NHSL2: variants seen among roughly 807,000 people sequenced by gnomAD.
NHSL2 encodes NHS like 2.
Under a neutral mutation model 53.4 loss-of-function variants are expected in NHSL2, and 27 were observed. That is an observed-to-expected ratio of 0.51 (90% confidence interval 0.37 to 0.70). The LOEUF (loss-of-function observed/expected upper bound fraction) is 0.70. Ranked by LOEUF, NHSL2 falls within the 30% of genes least tolerant of loss-of-function variation. The probability of loss-of-function intolerance (pLI) is 0.00; values close to 1 mark genes in which losing one functional copy is unlikely to be tolerated. For missense variants in NHSL2, 892 were observed against 980.1 expected (o/e 0.91, Z 1.20); for synonymous variants, 408 against 404.1 (o/e 1.01, Z -0.12).
chrX:72,028,520 A>G (rs922018249), intron 1 of NHSL2, among the ~76,000 whole-genome samples: 15 of 112,271 alleles, frequency 1.3e-4, no homozygotes, highest in African/African-American at 4.8e-4. Context: ...ATATGGCAGC[A>G]GGTCCTTCCG....
At chrX:71,949,270 C>A (rs2041808840) in intron 1 of NHSL2, among the ~76,000 whole-genome samples, 1 of 111,012 alleles carries the variant, frequency 9.0e-6, no homozygotes, top group Admixed American at 9.6e-5. Flanking sequence ...CATAGAGGGG[C>A]TGATAGAGAG....
intron 1 of NHSL2, among the ~76,000 whole-genome samples, chrX:72,070,285 C>T (rs766479072): frequency 9.1e-6 from 1 of 110,353 alleles, no homozygotes; most frequent in Non-Finnish European, 1.9e-5. Flanking sequence ...CCCTGCCCCC[C>T]ACCACCCTGC....
intron 1 of NHSL2, among the ~76,000 whole-genome samples, chrX:71,914,526 G>A (rs2041618998): frequency 8.9e-6 from 1 of 112,196 alleles, no homozygotes. Flanking sequence ...ACTTGCTGTG[G>A]GAAAGATGTT....
chrX:71,985,895 G>A (rs2042000984), intron 1 of NHSL2, among the ~76,000 whole-genome samples: 1 of 112,066 alleles, frequency 8.9e-6, no homozygotes, highest in Admixed American at 9.5e-5. Context: ...ACCTTTTAAA[G>A]AGGATCAAAA....
intron 1 of NHSL2, among the ~76,000 whole-genome samples, chrX:71,964,031 A>ATATATGTG (rs1473880519): frequency 2.5e-5 from 1 of 40,240 alleles, no homozygotes; most frequent in Non-Finnish European, 3.9e-5. Context: ...ATATGTGTAT[A>ATATATGTG]TATATATATA....
chrX:72,143,546 A>G lies in NHSL2; in HGVS notation c.3650A>G (p.Tyr1217Cys), dbSNP rs1248778776. ...RRIIAQFSKD[Y>C]ETTDNPST ...ATTATTGCACAATTTTCAAAAGACT[A>G]TGAAACCACCGATAACCCCAGTACC... Residue 1217 changes from tyrosine to cysteine, a missense_variant, in exon 8 of 8, where the codon TAT (tyrosine) becomes TGT (cysteine). Coordinates refer to ENST00000633930, the MANE Select transcript of NHSL2 (RefSeq NM_001013627.3). The G allele has an allele frequency of 8.6e-6, 10 of 1,162,764 alleles. No homozygotes were observed. The South Asian group carries it at 1.1e-4, about 13-fold the overall frequency.
intron 1 of NHSL2, among the ~76,000 whole-genome samples, chrX:71,953,475 TTAAC>T (rs1331247728): frequency 2.7e-5 from 3 of 112,221 alleles, no homozygotes; most frequent in East Asian, 2.8e-4. Context: ...TGAAAAAAAA[TTAAC>T]TAAATAATAG....
intron 1 of NHSL2, among the ~76,000 whole-genome samples, chrX:72,025,991 A>G (rs765843407): frequency 6.2e-5 from 7 of 112,494 alleles, no homozygotes; most frequent in African/African-American, 2.3e-4. Flanking sequence ...ATACACATAA[A>G]GCACTTGGCA....
chrX:72,088,188 G>A (rs1426187962), intron 1 of NHSL2, among the ~76,000 whole-genome samples: 12 of 112,068 alleles, frequency 1.1e-4, no homozygotes, highest in Non-Finnish European at 3.8e-5. Context: ...CTGAGATTGC[G>A]CCATTGCACT....
At chrX:72,053,875 T>C (rs931812238) in intron 1 of NHSL2, among the ~76,000 whole-genome samples, 2 of 111,932 alleles carry the variant, frequency 1.8e-5, no homozygotes, top group African/African-American at 6.5e-5. Context: ...TTAATACTCC[T>C]ACCATCTACA....
chrX:72,010,291 C>T (rs2042110362), intron 1 of NHSL2, among the ~76,000 whole-genome samples: 1 of 112,160 alleles, frequency 8.9e-6, no homozygotes, highest in African/African-American at 3.2e-5. Flanking sequence ...GACCTGTGAA[C>T]TGGGTCCTAT....
At chrX:72,034,473 A>G (rs1602321101) in intron 1 of NHSL2, among the ~76,000 whole-genome samples, 1 of 110,895 alleles carries the variant, frequency 9.0e-6, no homozygotes, top group African/African-American at 3.3e-5. Context: ...CCCCTTTTCT[A>G]TTTTCTGTAA....
At chrX:72,068,361 T>C (rs2042443873) in intron 1 of NHSL2, among the ~76,000 whole-genome samples, 1 of 112,663 alleles carries the variant, frequency 8.9e-6, no homozygotes, top group Non-Finnish European at 1.9e-5. Flanking sequence ...GCTGAAGCTC[T>C]AGCCAGACCC....
At chrX:72,021,801 C>A (rs2042161711) in intron 1 of NHSL2, among the ~76,000 whole-genome samples, 1 of 111,466 alleles carries the variant, frequency 9.0e-6, no homozygotes, top group Non-Finnish European at 1.9e-5. Flanking sequence ...TTCAGAGAAA[C>A]CCTCTTGCCT....
intron 1 of NHSL2, among the ~76,000 whole-genome samples, chrX:71,955,795 CTT>C (rs778081452): frequency 2.0e-5 from 2 of 100,081 alleles, no homozygotes; most frequent in Admixed American, 1.1e-4. Context: ...CTTAAATTGA[CTT>C]TTTTTTTTTT....
Position 72,139,482 on chromosome X carries a change from C to A in NHSL2, c.1934C>A (p.Ser645Tyr). ...SHHWYLTDWK[S>Y]GDTYQSLSSS... ...CACTGGTATCTTACTGACTGGAAGT[C>A]TGGTGACACCTACCAATCCCTGTCC... Residue 645 changes from serine (S) to tyrosine (Y), a missense_variant, in exon 6 of 8, where the codon TCT (serine) becomes TAT (tyrosine). Coordinates refer to ENST00000633930, the MANE Select transcript of NHSL2 (RefSeq NM_001013627.3). 8.3e-7 allele frequency: 1 copy of A among 1,209,483 alleles called. No individual in the cohort carries two copies. Among genetic ancestry groups the A allele is most frequent in the Non-Finnish European group, 1.1e-6 (1 of 893,426 alleles).
chrX:72,131,809 C>T, intron 1 of NHSL2: 1 of 212,216 alleles, frequency 4.7e-6, no homozygotes, highest in Admixed American at 7.9e-5. Flanking sequence ...AGGCGCCAGG[C>T]GGAGGATGCG....
chrX:72,025,152 T>G (rs1018488186), intron 1 of NHSL2, among the ~76,000 whole-genome samples: 1 of 112,465 alleles, frequency 8.9e-6, no homozygotes, highest in African/African-American at 3.2e-5. Context: ...TGTATACATG[T>G]ATCAAAACCT....
chrX:72,140,726 A>C lies in NHSL2; in HGVS notation c.3178A>C (p.Thr1060Pro), dbSNP rs2042411968. 8.4e-7 allele frequency: 1 copy of C among 1,197,580 alleles called. No homozygotes were observed. The highest frequency in any genetic ancestry group is 1.8e-5 in the African/African-American group (1 of 57,001). The change falls in exon 6 of 8, where the codon ACT becomes CCT. Residue 1060 changes from threonine (T) to proline (P), a missense_variant. Physicochemically the swap from Thr to Pro is conservative, Grantham distance 38. Transcript: ENST00000633930. Reference sequence around the variant, plus strand: ...CCTGCAATCACTTGGTCAAAGGGTGACTTCAACTCCTCAGGCTGACAGTGA... The same window carrying C: ...CCTGCAATCACTTGGTCAAAGGGTGCCTTCAACTCCTCAGGCTGACAGTGA... The part of the protein sequence containing the change: ...DDLQSLGQRV[T>P]STPQADSERE...
Sources: allele counts gnomAD v4.1 joint callset (sites outside exome capture counted in the v4.1 genomes callset), GRCh38; gene constraint gnomAD v4.1.1; transcripts MANE v1.5; gene names NCBI Gene and HGNC (gene_info 2026-07-23, HGNC 2026-07-21).